Variants in MYOF observed in about 807,000 individuals in gnomAD.
MYOF encodes myoferlin.
MYOF carries 244 observed loss-of-function variants against 284.2 expected under a neutral mutation model. The observed-to-expected ratio is 0.86, with a 90% CI of 0.77 to 0.95. The LOEUF (loss-of-function observed/expected upper bound fraction) is 0.95, where lower values mean the gene tolerates loss of function less well. MYOF is among the 40% of genes least tolerant of loss of function. MYOF has a pLI of 0.00. For synonymous variants in MYOF, 904 were observed against 919.7 expected (o/e 0.98, Z 0.31); for missense variants, 2,496 against 2,560.6 (o/e 0.97, Z 0.54).
chr10:93,307,000 T>G lies in MYOF; in HGVS notation c.6149A>C (p.Asn2050Thr). Residue 2050 changes from asparagine to threonine, a missense_variant and splice_region_variant, in exon 54 of 54, where the codon AAC becomes ACC. This residue lies in a region of MYOF where 2,436 missense variants were observed against 2,480.7 expected (regional missense o/e 0.98). Transcript: ENST00000359263. ...FVAVLLYSLPNYLSMKIVKPN... is the reference protein window; with the variant it reads ...FVAVLLYSLPTYLSMKIVKPN... ...CTTTACAATCTTCATTGACAAATAG[T>G]TCTGGAAAGGAAACAAAAACAGTGG... 6 of 1,612,662 alleles carry G rather than the reference T, an allele frequency of 3.7e-6. No homozygotes were observed. The highest frequency in any genetic ancestry group is 2.2e-5 in the South Asian group (2 of 90,976).
At chr10:93,469,205 G>A (rs552879037) in intron 1 of MYOF, among the ~76,000 whole-genome samples, 20 of 152,236 alleles carry the variant, frequency 1.3e-4, no homozygotes, top group African/African-American at 4.3e-4. Flanking sequence ...TTCGAGGCCA[G>A]CCTGGCCAAC....
At chr10:93,444,737 C>T (rs910006890) in intron 3 of MYOF, among the ~76,000 whole-genome samples, 3 of 152,248 alleles carry the variant, frequency 2.0e-5, no homozygotes, top group South Asian at 4.1e-4. Context: ...TTCTCCTGGG[C>T]ATGTGTGTCC....
intron 25 of MYOF, among the ~76,000 whole-genome samples, chr10:93,368,534 G>A (rs1845428720): frequency 6.6e-6 from 1 of 152,184 alleles, no homozygotes; most frequent in African/African-American, 2.4e-5. Flanking sequence ...TCAGTGCCTA[G>A]CATGAAGCCA....
At chr10:93,364,271 G>A (rs1383308714) in intron 26 of MYOF, among the ~76,000 whole-genome samples, 196 bp from the exon 27 acceptor site, 1 of 152,202 alleles carries the variant, frequency 6.6e-6, no homozygotes, top group Admixed American at 6.5e-5. Context: ...GAGCCTGCTG[G>A]AACAATGTGA....
chr10:93,447,050 C>T (rs928749428), intron 3 of MYOF, among the ~76,000 whole-genome samples: 3 of 152,216 alleles, frequency 2.0e-5, no homozygotes, highest in African/African-American at 4.8e-5. Flanking sequence ...GGCATCATAA[C>T]ACCAAGTGCA....
At chr10:93,397,075 G>T in intron 15 of MYOF, 172 bp downstream of exon 15, 5 of 516,576 alleles carry the variant, frequency 9.7e-6, no homozygotes, top group East Asian at 3.2e-5. Context: ...AGCTTTTTTT[G>T]CAGTAACACT....
intron 25 of MYOF, among the ~76,000 whole-genome samples, chr10:93,367,703 A>G (rs1016810416): frequency 1.3e-5 from 2 of 152,046 alleles, no homozygotes; most frequent in Admixed American, 6.6e-5. Flanking sequence ...TGGGAGCCTC[A>G]AGTGGCTTTG....
intron 3 of MYOF, among the ~76,000 whole-genome samples, chr10:93,436,489 T>TC (rs1849126224): frequency 6.6e-6 from 1 of 151,732 alleles, no homozygotes; most frequent in Non-Finnish European, 1.5e-5. Context: ...TATTTATTAT[T>TC]TTTTCTGAAG....
chr10:93,406,866 C>T (rs1168603914), intron 7 of MYOF, among the ~76,000 whole-genome samples: 1 of 151,888 alleles, frequency 6.6e-6, no homozygotes, highest in Non-Finnish European at 1.5e-5. Flanking sequence ...AGGACAAACG[C>T]CAGAGCTGGG....
At chr10:93,343,260 A>T (rs1397980694) in intron 38 of MYOF, among the ~76,000 whole-genome samples, 1 of 152,156 alleles carries the variant, frequency 6.6e-6, no homozygotes, top group African/African-American at 2.4e-5. Flanking sequence ...GCTAGTTCTA[A>T]AATAGGGCCT....
At chr10:93,405,743 G>A (rs919489028) in intron 7 of MYOF, among the ~76,000 whole-genome samples, 2 of 151,240 alleles carry the variant, frequency 1.3e-5, no homozygotes, top group African/African-American at 4.9e-5. Context: ...TCCTATTATT[G>A]GTGATAACAA....
At chr10:93,452,963 A>G (rs2056637843) in intron 2 of MYOF, among the ~76,000 whole-genome samples, 1 of 152,150 alleles carries the variant, frequency 6.6e-6, no homozygotes, top group Admixed American at 6.5e-5. Flanking sequence ...CAAAAGTAAA[A>G]AAAAAAGATT....
chr10:93,386,936 G>A (rs945597572), intron 19 of MYOF, among the ~76,000 whole-genome samples: 1 of 152,074 alleles, frequency 6.6e-6, no homozygotes, highest in African/African-American at 2.4e-5. Flanking sequence ...GGAGTTTGGG[G>A]GAGAGCATGG....
intron 1 of MYOF, among the ~76,000 whole-genome samples, chr10:93,470,285 A>G (rs11187442): frequency 0.17 from 26,448 of 151,728 alleles, 2,631 homozygotes; most frequent in East Asian, 0.5. Context: ...GGAATATGTT[A>G]AAATTAAATA....
At chr10:93,408,947 C>A (rs1290913940) in intron 6 of MYOF, 32 bp from the exon 7 acceptor site, 1 of 1,612,958 alleles carries the variant, frequency 6.2e-7, no homozygotes, top group African/African-American at 1.3e-5. Context: ...GTTACCCAAC[C>A]TTTCCCAGCA....
chr10:93,372,843 G>C (rs1845651895), intron 24 of MYOF, 87 bp downstream of exon 24: 2 of 1,475,398 alleles, frequency 1.4e-6, no homozygotes, highest in African/African-American at 2.8e-5. Flanking sequence ...ACCATTCAAT[G>C]ATTTGCAAAT....
chr10:93,406,288 T>TTATACATATATA (rs1554855589), intron 7 of MYOF, among the ~76,000 whole-genome samples: 10 of 58,126 alleles, frequency 1.7e-4, no homozygotes, highest in Non-Finnish European at 3.8e-4. Flanking sequence ...TAAACCTCTT[T>TTATACATATATA]TATATATATA....
At chr10:93,481,691 G>A (rs149355539) in intron 1 of MYOF, among the ~76,000 whole-genome samples, 2,207 of 152,256 alleles carry the variant, frequency 0.014, 30 homozygotes, top group Middle Eastern at 0.024. Flanking sequence ...GCAGCGTCAG[G>A]CTGGTTCAAG....
chr10:93,380,078 A>G, intron 20 of MYOF, 91 bp from the exon 21 acceptor site: 1 of 1,491,550 alleles, frequency 6.7e-7, no homozygotes, highest in Non-Finnish European at 9.1e-7. Context: ...GCTGCTGATT[A>G]ATCCACAGGC....
Sources: allele counts gnomAD v4.1 joint callset (sites outside exome capture counted in the v4.1 genomes callset), GRCh38; gene constraint gnomAD v4.1.1; regional missense constraint gnomAD v4.1.1; transcripts MANE v1.5; gene names NCBI Gene and HGNC (gene_info 2026-07-23, HGNC 2026-07-21).